The following DPP10 variants were observed in gnomAD, a reference collection of about 807,000 sequenced individuals.
DPP10 encodes the protein inactive dipeptidyl peptidase 10.
A neutral mutation model predicts 120.9 loss-of-function variants in DPP10; 33 were observed. The observed-to-expected ratio is 0.27, with a 90% confidence interval of 0.21 to 0.37. The LOEUF (loss-of-function observed/expected upper bound fraction) is 0.37, where lower values mean the gene tolerates loss of function less well. Among genes scored for constraint, DPP10 ranks in the 10% least tolerant of loss-of-function variants. The pLI is 1.00. For synonymous variants in DPP10, 337 were observed against 326.1 expected (o/e 1.03, Z -0.36); for missense variants, 816 against 942.8 (o/e 0.87, Z 1.76).
chr2:115,787,697 A>G (rs977505739), intron 17 of DPP10, among the ~76,000 whole-genome samples: 1 of 152,192 alleles, frequency 6.6e-6, no homozygotes, highest in African/African-American at 2.4e-5. Context: ...TCTAAATCTG[A>G]TGAAAAAGTT....
chr2:115,539,127 C>T (rs1367227371), intron 5 of DPP10, among the ~76,000 whole-genome samples: 3 of 151,750 alleles, frequency 2.0e-5, no homozygotes, highest in African/African-American at 7.3e-5. Context: ...TTGGAAAACA[C>T]CTGGGATACT....
At chr2:115,145,726 A>G (rs1030911539) in intron 1 of DPP10, among the ~76,000 whole-genome samples, 1 of 152,124 alleles carries the variant, frequency 6.6e-6, no homozygotes, top group African/African-American at 2.4e-5. Context: ...GAACTGTCAA[A>G]CCAAATGGTA....
intron 2 of DPP10, among the ~76,000 whole-genome samples, chr2:115,336,730 A>G (rs529503323): frequency 6.6e-6 from 1 of 152,050 alleles, no homozygotes; most frequent in South Asian, 2.1e-4. Context: ...TTTTCTTTAC[A>G]TTAGGGACTA....
chr2:115,273,650 T>G (rs2105826185), intron 1 of DPP10, among the ~76,000 whole-genome samples: 1 of 152,270 alleles, frequency 6.6e-6, no homozygotes, highest in Non-Finnish European at 1.5e-5. Context: ...GCCGCTTGCT[T>G]TTAAAGAGCT....
At chr2:114,509,506 C>A (rs954241802) in intron 1 of DPP10, among the ~76,000 whole-genome samples, 3 of 152,158 alleles carry the variant, frequency 2.0e-5, no homozygotes, top group African/African-American at 7.2e-5. Context: ...AGACTAAATT[C>A]TGAACTGCTT....
At chr2:115,268,464 T>C (rs12469019) in intron 1 of DPP10, among the ~76,000 whole-genome samples, 38,145 of 152,092 alleles carry the variant, frequency 0.25, 4,992 homozygotes, top group East Asian at 0.36. Flanking sequence ...ATCATGCGAC[T>C]TCCTAAAATA....
At chr2:114,757,497 G>A (rs1422744190) in intron 1 of DPP10, among the ~76,000 whole-genome samples, 2 of 152,050 alleles carry the variant, frequency 1.3e-5, no homozygotes, top group African/African-American at 4.8e-5. Flanking sequence ...TGTGCCTTTG[G>A]CAGCTGAGGG....
At chr2:114,811,593 C>T (rs1165645837) in intron 1 of DPP10, among the ~76,000 whole-genome samples, 2 of 151,808 alleles carry the variant, frequency 1.3e-5, no homozygotes, top group African/African-American at 4.8e-5. Context: ...CTTCCATCAC[C>T]ATCACCTCAC....
chr2:115,440,694 G>C (rs2071956331), intron 3 of DPP10, among the ~76,000 whole-genome samples: 1 of 152,220 alleles, frequency 6.6e-6, no homozygotes. Context: ...AGAATCAAAA[G>C]AAGCAAAATG....
intron 1 of DPP10, among the ~76,000 whole-genome samples, chr2:115,202,373 A>G (rs1230141577): frequency 6.6e-6 from 1 of 152,216 alleles, no homozygotes; most frequent in Non-Finnish European, 1.5e-5. Context: ...GAATCAGAAA[A>G]TCATGGCTTT....
intron 1 of DPP10, among the ~76,000 whole-genome samples, chr2:114,475,518 C>T (rs1335999553): frequency 6.6e-6 from 1 of 152,080 alleles, no homozygotes; most frequent in Non-Finnish European, 1.5e-5. Flanking sequence ...TCTCTTTTCT[C>T]CCAGGTCTAA....
At chr2:115,752,484 A>G (rs886384475) in intron 10 of DPP10, among the ~76,000 whole-genome samples, 5 of 152,320 alleles carry the variant, frequency 3.3e-5, no homozygotes, top group Non-Finnish European at 5.9e-5. Context: ...ATAGACTCCC[A>G]TCTTCTTTAA....
chr2:115,209,103 A>G (rs2056344207), intron 1 of DPP10, among the ~76,000 whole-genome samples: 1 of 152,088 alleles, frequency 6.6e-6, no homozygotes, highest in South Asian at 2.1e-4. Flanking sequence ...TTTATTTTAG[A>G]TGACACTATC....
intron 1 of DPP10, among the ~76,000 whole-genome samples, chr2:114,697,809 G>A (rs1314885706): frequency 1.3e-5 from 2 of 151,272 alleles, no homozygotes; most frequent in Non-Finnish European, 2.9e-5. Flanking sequence ...TCTGTAGGAG[G>A]TTCAACCAGA....
intron 21 of DPP10, among the ~76,000 whole-genome samples, chr2:115,822,721 T>C (rs1176423414): frequency 1.3e-5 from 2 of 152,006 alleles, no homozygotes; most frequent in Admixed American, 1.3e-4. Context: ...TCTAGAAAAT[T>C]ATCAATTTTC....
intron 1 of DPP10, among the ~76,000 whole-genome samples, chr2:114,585,360 G>A (rs1055199130): frequency 2.0e-5 from 3 of 152,096 alleles, no homozygotes; most frequent in East Asian, 1.9e-4. Flanking sequence ...TCTTCTACTC[G>A]CTTTGATTGA....
chr2:114,517,042 C>A (rs1409743286), intron 1 of DPP10, among the ~76,000 whole-genome samples: 1 of 151,652 alleles, frequency 6.6e-6, no homozygotes, highest in Non-Finnish European at 1.5e-5. Flanking sequence ...TTCTAACTAA[C>A]TTTAGGGTAT....
At chr2:115,685,440 T>C (rs2090935172) in intron 5 of DPP10, among the ~76,000 whole-genome samples, 1 of 152,004 alleles carries the variant, frequency 6.6e-6, no homozygotes, top group South Asian at 2.1e-4. Flanking sequence ...TCCATACCAA[T>C]GTAATGTTTC....
chr2:114,984,164 T>C (rs1441910269), intron 1 of DPP10, among the ~76,000 whole-genome samples: 1 of 152,244 alleles, frequency 6.6e-6, no homozygotes, highest in Non-Finnish European at 1.5e-5. Context: ...TTTGACATGA[T>C]TCCATTATGC....
Sources: gnomAD v4.1 joint callset for allele counts (sites outside exome capture counted in the v4.1 genomes callset) on GRCh38, gnomAD v4.1.1 for gene constraint, MANE v1.5 for transcripts, NCBI Gene and HGNC (gene_info 2026-07-23, HGNC 2026-07-21) for gene names.